Variants in ALOX5 observed in about 807,000 individuals in gnomAD.
ALOX5 encodes polyunsaturated fatty acid 5-lipoxygenase.
ALOX5 carries 64 observed loss-of-function variants against 87.9 expected under a neutral mutation model. That is an observed-to-expected ratio of 0.73 (90% CI 0.60 to 0.90). ALOX5 has a LOEUF of 0.90. Among genes scored for constraint, ALOX5 ranks in the 40% least tolerant of loss-of-function variants. The pLI, the probability that ALOX5 is intolerant of heterozygous loss-of-function variation, is 0.00. For missense variants in ALOX5, 822 were observed against 907.5 expected, an observed-to-expected ratio of 0.91 and a Z score of 1.21; for synonymous variants, 388 against 355.1, an observed-to-expected ratio of 1.09 and a Z score of -1.04.
chr10:45,443,840 C>T lies in ALOX5; in HGVS notation c.1674+12C>T, dbSNP rs1163565928. 2.5e-6 allele frequency: 4 copies of T among 1,591,952 alleles called. No individual in the cohort carries two copies. The highest frequency in any genetic ancestry group is 3.5e-5 in the Admixed American group (2 of 57,682). ...TCAACTTCGGCCAGGTAGGCAGGGC[C>T]GGGCCCGCTGGGCAGGGCTCCCTTC... is the stretch of plus-strand genomic sequence containing the variant. On this transcript the variant is annotated intron_variant, in intron 12 of 13. Transcript: ENST00000374391.
At chr10:45,441,267 G>A (rs1253494341) in intron 8 of ALOX5, 77 bp from the exon 9 acceptor site, 2 of 1,296,668 alleles carry the variant, frequency 1.5e-6, no homozygotes. Context: ...AGGCCTGGGT[G>A]GGGGAGCTGC....
rs117211200 is a variant in ALOX5 at position 45,387,064 on chromosome 10, G to A, written c.349+4383G>A. Among the ~76,000 whole-genome samples, 799 of 152,294 alleles carry A rather than the reference G, an allele frequency of 5.2e-3. 7 individuals carry two copies. Among genetic ancestry groups the A allele is most frequent in the South Asian group, 0.011 (54 of 4,830 alleles). On this transcript the variant is annotated intron_variant, in intron 2 of 13. Coordinates refer to ENST00000374391, the MANE Select transcript of ALOX5 (RefSeq NM_000698.5). ...CATTGGCATTTACTGCGTGCCAGGC[G>A]CCGTGTGGAGGGCTTTCCTGCATTC... is the stretch of plus-strand genomic sequence containing the variant.
chr10:45,436,412 A>C (rs554094042), intron 7 of ALOX5, among the ~76,000 whole-genome samples: 1 of 152,138 alleles, frequency 6.6e-6, no homozygotes, highest in Admixed American at 6.6e-5. Context: ...TAATCCATCT[A>C]GAGGTAATTT....
intron 8 of ALOX5, 72 bp downstream of exon 8, chr10:45,440,705 C>T: frequency 6.6e-7 from 1 of 1,515,048 alleles, no homozygotes; most frequent in Non-Finnish European, 9.0e-7. Flanking sequence ...TCACTGACAT[C>T]CCACAGGGGG....
chr10:45,389,738 C>T (rs1350971258), intron 2 of ALOX5, among the ~76,000 whole-genome samples: 1 of 152,214 alleles, frequency 6.6e-6, no homozygotes, highest in Non-Finnish European at 1.5e-5. Context: ...ACTGCAAAAA[C>T]ATGCCACATT....
chr10:45,435,710 T>C (rs2132839828), intron 7 of ALOX5, among the ~76,000 whole-genome samples: 1 of 152,352 alleles, frequency 6.6e-6, no homozygotes, highest in South Asian at 2.1e-4. Context: ...ATTACATGAT[T>C]TTGATATTGT....
chr10:45,390,503 A>C (rs956989885), intron 2 of ALOX5, among the ~76,000 whole-genome samples: 2 of 152,278 alleles, frequency 1.3e-5, no homozygotes, highest in Non-Finnish European at 2.9e-5. Context: ...CTCAGACCAC[A>C]GTGCAATCAA....
At chr10:45,413,570 A>G (rs563840444) in intron 4 of ALOX5, among the ~76,000 whole-genome samples, 2,732 of 152,308 alleles carry the variant, frequency 0.018, 76 homozygotes, top group African/African-American at 0.061. Flanking sequence ...CCTATTCAAC[A>G]TAGTGTTGGA....
chr10:45,412,781 G>A (rs1841115783), intron 4 of ALOX5, among the ~76,000 whole-genome samples: 1 of 152,204 alleles, frequency 6.6e-6, no homozygotes, highest in Admixed American at 6.5e-5. Context: ...TACAGTTGAG[G>A]AACTGAGGAA....
intron 1 of ALOX5, among the ~76,000 whole-genome samples, chr10:45,378,594 T>G (rs1839712400): frequency 6.6e-6 from 1 of 152,132 alleles, no homozygotes; most frequent in Non-Finnish European, 1.5e-5. Flanking sequence ...GGGAGGAAGG[T>G]GGCCATTGTA....
At position 45,384,833 on chromosome 10, in the gene ALOX5, C is replaced by CTATTATTATTATTAT. The variant is rs369749993; in HGVS notation, c.349+2163_349+2177dup. On this transcript the variant is annotated intron_variant, in intron 2 of 13. Transcript: ENST00000374391. ...GAAGGAATGTCAAAGAATTTGTGGC[C>CTATTATTATTATTAT]TATTATTATTATTATTATTATTATT... 6.8e-3 allele frequency among the ~76,000 whole-genome samples: 1,012 copies of CTATTATTATTATTAT among 149,222 alleles called. 11 individuals carry two copies. The highest frequency in any genetic ancestry group is 0.014 in the Middle Eastern group (4 of 292).
At chr10:45,375,397 G>A (rs965353501) in intron 1 of ALOX5, among the ~76,000 whole-genome samples, 2 of 152,168 alleles carry the variant, frequency 1.3e-5, no homozygotes, top group Admixed American at 6.5e-5. Context: ...GAAGCGCTCC[G>A]TAAATGACTG....
intron 4 of ALOX5, among the ~76,000 whole-genome samples, chr10:45,421,140 C>T (rs1003314286): frequency 1.1e-4 from 16 of 152,204 alleles, no homozygotes; most frequent in Admixed American, 1.3e-4. Flanking sequence ...AGCGGGTCTT[C>T]GAAGCCCTGA....
chr10:45,391,882 G>C (rs1258135504), intron 2 of ALOX5, among the ~76,000 whole-genome samples: 2 of 136,460 alleles, frequency 1.5e-5, no homozygotes, highest in African/African-American at 5.5e-5. Context: ...CCTCCGCCCG[G>C]CAGCCGCCCC....
At chr10:45,415,208 G>A (rs1049073192) in intron 4 of ALOX5, among the ~76,000 whole-genome samples, 13 of 152,174 alleles carry the variant, frequency 8.5e-5, no homozygotes, top group Non-Finnish European at 1.6e-4. Flanking sequence ...CCGATAGACT[G>A]GATTAAGAAA....
In ALOX5 at chr10:45,424,123, G is replaced by A. The variant is rs371097552; in HGVS notation, c.637G>A (p.Val213Ile). ...NDFADFEKIFVKISNTISERV... is the reference protein window; with the variant it reads ...NDFADFEKIFIKISNTISERV... The stretch of plus-strand genomic sequence containing the variant: ...CTTCGCCGACTTTGAGAAAATCTTT[G>A]TCAAGATCAGCAACACTATTTCTGG... Residue 213 changes from valine (V) to isoleucine (I), a missense_variant, in exon 5 of 14, where the codon GTC (valine) becomes ATC (isoleucine). Transcript: ENST00000374391. 16 of 1,613,870 alleles carry A rather than the reference G, an allele frequency of 9.9e-6. No homozygotes were observed. Among genetic ancestry groups the A allele is most frequent in the African/African-American group, 1.3e-5 (1 of 74,916 alleles).
chr10:45,394,878 GA>G (rs1840441476), intron 2 of ALOX5, among the ~76,000 whole-genome samples: 1 of 152,352 alleles, frequency 6.6e-6, no homozygotes, highest in South Asian at 2.1e-4. Context: ...CTGGCCATCA[GA>G]GAAATGCAAA....
chr10:45,430,321 C>G (rs751808643), intron 7 of ALOX5, among the ~76,000 whole-genome samples: 1 of 151,748 alleles, frequency 6.6e-6, no homozygotes, highest in Non-Finnish European at 1.5e-5. Context: ...TATAAAGACT[C>G]AAGCAAATGA....
At chr10:45,400,651 G>A (rs1222415948) in intron 3 of ALOX5, among the ~76,000 whole-genome samples, 1 of 152,132 alleles carries the variant, frequency 6.6e-6, no homozygotes, top group Non-Finnish European at 1.5e-5. Context: ...GCCAAACACT[G>A]AATGAACTTC....
Sources: allele counts gnomAD v4.1 joint callset (sites outside exome capture counted in the v4.1 genomes callset), GRCh38; gene constraint gnomAD v4.1.1; transcripts MANE v1.5; gene names NCBI Gene and HGNC (gene_info 2026-07-23, HGNC 2026-07-21).